The following PTPRO variants were observed in gnomAD, a reference collection of about 807,000 sequenced individuals.
PTPRO encodes the protein receptor-type tyrosine-protein phosphatase O.
PTPRO carries 62 observed loss-of-function variants against 145.2 expected under a neutral mutation model. That is an observed-to-expected ratio of 0.43 (90% CI 0.35 to 0.53). The LOEUF (loss-of-function observed/expected upper bound fraction) is 0.53, where lower values mean the gene tolerates loss of function less well. Among genes scored for constraint, PTPRO ranks in the 20% least tolerant of loss-of-function variants. The pLI, the probability that PTPRO is intolerant of heterozygous loss-of-function variation, is 0.01. For synonymous variants in PTPRO, 565 were observed against 514.7 expected (o/e 1.10, Z -1.32); for missense variants, 1,345 against 1,482.7 (o/e 0.91, Z 1.53).
intron 1 of PTPRO, among the ~76,000 whole-genome samples, chr12:15,479,045 G>A (rs1158225579): frequency 6.6e-6 from 1 of 152,138 alleles, no homozygotes; most frequent in Admixed American, 6.5e-5. Flanking sequence ...CACTGAATGT[G>A]CGGAAAGACT....
At chr12:15,511,449 T>G (rs1024346866) in intron 7 of PTPRO, among the ~76,000 whole-genome samples, 4 of 152,236 alleles carry the variant, frequency 2.6e-5, no homozygotes, top group African/African-American at 9.6e-5. Flanking sequence ...GTAATCCAAT[T>G]ACCCCTTTGT....
chr12:15,585,602 C>G (rs960338474), intron 23 of PTPRO, among the ~76,000 whole-genome samples: 3 of 152,188 alleles, frequency 2.0e-5, no homozygotes, highest in Admixed American at 6.5e-5. Flanking sequence ...TCCAAGACCA[C>G]TGACTCTTTG....
intron 1 of PTPRO, among the ~76,000 whole-genome samples, chr12:15,384,004 T>C (rs886154477): frequency 6.6e-6 from 1 of 152,186 alleles, no homozygotes; most frequent in African/African-American, 2.4e-5. Context: ...GAATTGGGCA[T>C]CTTATTTCCA....
rs890591264 is a variant in PTPRO at position 15,322,565 on chromosome 12, G to A, written c.-162G>A. On this transcript the variant is annotated 5_prime_UTR_variant, in exon 1 of 27. Coordinates refer to ENST00000281171, the MANE Select transcript of PTPRO (RefSeq NM_030667.3). This position sits in a 1 kb window ranked among gnomAD's most constrained non-coding sequence, Gnocchi z 6.3. ...CTTGGAGGACCCCGGGCGCAGAGGA[G>A]GAAAGGGAGCAGGCGCAGGGGGACT... 1.1e-4 allele frequency: 77 copies of A among 694,344 alleles called. No homozygotes were observed. Among genetic ancestry groups the A allele is most frequent in the Non-Finnish European group, 1.9e-4 (72 of 381,460 alleles). The allele number at this position is 694,344 out of a possible 1,614,324, so 43.0% of individuals were successfully genotyped here.
At chr12:15,569,584 A>G (rs1195866654) in intron 19 of PTPRO, 86 bp downstream of exon 19, 1 of 1,183,290 alleles carries the variant, frequency 8.5e-7, no homozygotes, top group Non-Finnish European at 1.3e-6. Context: ...GTCCCTGCTC[A>G]CTGGCAGTGC....
At chr12:15,419,458 C>T (rs546491649) in intron 1 of PTPRO, among the ~76,000 whole-genome samples, 2 of 151,530 alleles carry the variant, frequency 1.3e-5, no homozygotes, top group Admixed American at 6.6e-5. Context: ...AATTTCATTA[C>T]GCATAAGAAG....
At chr12:15,408,019 T>G (rs962619339) in intron 1 of PTPRO, among the ~76,000 whole-genome samples, 3 of 152,200 alleles carry the variant, frequency 2.0e-5, no homozygotes, top group Non-Finnish European at 4.4e-5. Context: ...ATTATTGTCT[T>G]AAGTATTCTC....
chr12:15,578,005 G>A (rs1289945123), intron 19 of PTPRO, among the ~76,000 whole-genome samples: 1 of 152,134 alleles, frequency 6.6e-6, no homozygotes, highest in Non-Finnish European at 1.5e-5. Context: ...CTGAAATGAG[G>A]TTTATAAGAG....
chr12:15,544,741 C>G (rs1943247455), intron 12 of PTPRO, among the ~76,000 whole-genome samples: 1 of 152,106 alleles, frequency 6.6e-6, no homozygotes, highest in South Asian at 2.1e-4. Context: ...GTCAGAATCC[C>G]TAAAGGACAT....
At chr12:15,583,486 C>A (rs879705621) in intron 23 of PTPRO, among the ~76,000 whole-genome samples, 7 of 150,932 alleles carry the variant, frequency 4.6e-5, no homozygotes, top group Non-Finnish European at 1.0e-4. Flanking sequence ...TCTCCACACA[C>A]ACACACACAC....
chr12:15,426,626 A>G (rs1048319646), intron 1 of PTPRO, among the ~76,000 whole-genome samples: 1 of 152,020 alleles, frequency 6.6e-6, no homozygotes, highest in Non-Finnish European at 1.5e-5. Flanking sequence ...ACTTTCTAGC[A>G]TCTTGTGTTT....
chr12:15,578,949 ATCG>A lies in PTPRO; in HGVS notation c.2920+9_2920+11del, dbSNP rs1372469672. The A allele has an allele frequency of 6.4e-7, 1 of 1,564,844 alleles. No individual in the cohort carries two copies. Among genetic ancestry groups the A allele is most frequent in the East Asian group, 2.2e-5 (1 of 44,598 alleles). On this transcript the variant is annotated splice_region_variant and intron_variant, in intron 20 of 26. Transcript: ENST00000281171. ...TTACACAAACATCCTACCATGTAAG[ATCG>A]TCAATTGTGCCAATAACACTCATGT...
chr12:15,487,703 C>T (rs1463248193), intron 2 of PTPRO, among the ~76,000 whole-genome samples: 1 of 152,144 alleles, frequency 6.6e-6, no homozygotes, highest in Non-Finnish European at 1.5e-5. Context: ...CTGTTTGTGT[C>T]TGTGTCTCCC....
intron 1 of PTPRO, among the ~76,000 whole-genome samples, chr12:15,482,626 C>T (rs1438711726): frequency 1.3e-5 from 2 of 152,058 alleles, no homozygotes; most frequent in East Asian, 3.9e-4. Flanking sequence ...CAAAATATCA[C>T]AGGTACCCCA....
intron 12 of PTPRO, among the ~76,000 whole-genome samples, chr12:15,541,569 T>A (rs1198719780): frequency 5.3e-5 from 8 of 152,244 alleles, no homozygotes; most frequent in African/African-American, 1.7e-4. Context: ...GGCTTGCAGA[T>A]GATCACTTTG....
In PTPRO at chr12:15,508,637, G is replaced by T; in HGVS notation, c.1334G>T (p.Ser445Ile). 1.2e-6 allele frequency: 2 copies of T among 1,614,110 alleles called. No individual in the cohort carries two copies. The highest frequency in any genetic ancestry group is 1.7e-6 in the Non-Finnish European group (2 of 1,180,002). Residue 445 changes from serine (S) to isoleucine (I), a missense_variant, in exon 7 of 27, where the codon AGC (serine) becomes ATC (isoleucine). By Grantham distance (142) the Ser-to-Ile change is moderately radical. Coordinates refer to ENST00000281171, the MANE Select transcript of PTPRO (RefSeq NM_030667.3). ...CAGCACGTGAGTGTCCACGTTTTAA[G>T]CTCAACCACTGCCTTGATGTCCTGG... ...KPQHVSVHVL[S>I]STTALMSWTS...
chr12:15,379,582 A>G (rs532169446), intron 1 of PTPRO, among the ~76,000 whole-genome samples: 1 of 151,582 alleles, frequency 6.6e-6, no homozygotes, highest in African/African-American at 2.4e-5. Flanking sequence ...ATGATTTGGT[A>G]TATATAATGG....
Position 15,499,473 on chromosome 12 carries a change from C to T in PTPRO, c.540C>T (p.His180=). The T allele has an allele frequency of 1.2e-6, 2 of 1,613,590 alleles. No individual in the cohort carries two copies. Among genetic ancestry groups the T allele is most frequent in the Non-Finnish European group, 1.7e-6 (2 of 1,179,598 alleles). The change falls in exon 4 of 27, where the codon CAC becomes CAT. Residue 180 remains histidine (H), a synonymous_variant. Coordinates refer to ENST00000281171, the MANE Select transcript of PTPRO (RefSeq NM_030667.3). ...TTAAGGGAAAAACAGTATTTAATCA[C>T]TGGCTGCCAGGAATGTGTTATAGTA... ...DFFKGKTVFN[H]WLPGMCYSNI...
Position 15,499,454 on chromosome 12 carries a change from G to C in PTPRO, c.521G>C (p.Gly174Ala). Residue 174 changes from glycine to alanine, a missense_variant, in exon 4 of 27, where the codon GGA becomes GCA. This residue lies in a region of PTPRO where 1,130 missense variants were observed against 1,214.7 expected (regional missense o/e 0.93). Transcript: ENST00000281171. ...RTMLYKDFFKGKTVFNHWLPG... is the reference protein window; with the variant it reads ...RTMLYKDFFKAKTVFNHWLPG... ...TTTCTCTTCACAGATTTCTTTAAGG[G>C]AAAAACAGTATTTAATCACTGGCTG... 1.2e-6 allele frequency: 2 copies of C among 1,613,218 alleles called. No homozygotes were observed. The highest frequency in any genetic ancestry group is 1.7e-6 in the Non-Finnish European group (2 of 1,179,356).
Sources: allele counts gnomAD v4.1 joint callset (sites outside exome capture counted in the v4.1 genomes callset), GRCh38; gene constraint gnomAD v4.1.1; regional missense constraint gnomAD v4.1.1; non-coding constraint Gnocchi (gnomAD v3.1); transcripts MANE v1.5; gene names NCBI Gene and HGNC (gene_info 2026-07-23, HGNC 2026-07-21).